The following COA1 variants were observed in gnomAD, a reference collection of about 807,000 sequenced individuals.
COA1 encodes cytochrome c oxidase assembly factor 1, also known as cytochrome c oxidase assembly factor 1 homolog.
COA1 carries 13 observed loss-of-function variants against 16.0 expected under a neutral mutation model. That is an observed-to-expected ratio of 0.81 (90% confidence interval 0.53 to 1.29). The LOEUF is 1.29. Among genes scored for constraint, COA1 ranks in the 50% most tolerant of loss-of-function variants. The pLI is 0.00. For synonymous variants in COA1, 65 were observed against 65.7 expected, an observed-to-expected ratio of 0.99 and a Z score of 0.05; for missense variants, 179 against 177.0, an observed-to-expected ratio of 1.01 and a Z score of -0.06.
intron 6 of COA1, among the ~76,000 whole-genome samples, chr7:43,614,636 C>T (rs2083182340): frequency 6.6e-6 from 1 of 152,172 alleles, no homozygotes; most frequent in Non-Finnish European, 1.5e-5. Flanking sequence ...GTAAAGGCCA[C>T]ATAATAAATA....
In COA1 at chr7:43,640,630, C is replaced by A. The variant is rs891121739; in HGVS notation, c.284G>T (p.Gly95Val). The A allele has an allele frequency of 1.9e-6, 3 of 1,605,698 alleles. No individual in the cohort carries two copies. In the Admixed American group the frequency reaches 5.2e-5, roughly 28 times the overall value. ...GTAGAGAAGGCCCTCTGATTTGGAT[C>A]CAGAGACAGGAATCTTCAACTGTGG... ...VDAKLKIPVS[G>V]SKSEGLLYVH... The change falls in exon 5 of 6, where the codon GGA (glycine) becomes GTA (valine). Residue 95 changes from glycine (G) to valine (V), a missense_variant. By Grantham distance (109) the Gly-to-Val change is moderately radical. Coordinates refer to ENST00000223336, the MANE Select transcript of COA1 (RefSeq NM_018224.4).
chr7:43,683,056 C>T (rs1478173160), intron 1 of COA1, among the ~76,000 whole-genome samples: 1 of 152,006 alleles, frequency 6.6e-6, no homozygotes, highest in Non-Finnish European at 1.5e-5. Context: ...TGGGGTTTCA[C>T]CATGTTGGCC....
chr7:43,690,762 G>A (rs1215120557), intron 1 of COA1, among the ~76,000 whole-genome samples: 1 of 152,078 alleles, frequency 6.6e-6, no homozygotes, highest in Non-Finnish European at 1.5e-5. Context: ...AATGAATAAA[G>A]GGGGAAAAAA....
At chr7:43,637,723 G>A (rs571091698), downstream of COA1, among the ~76,000 whole-genome samples, 68 of 152,316 alleles carry the variant, frequency 4.5e-4, 1 homozygote, top group South Asian at 0.014. Flanking sequence ...AAAAATACCC[G>A]AGATAGCGGC....
At chr7:43,647,029 G>C (rs2089514985) in intron 3 of COA1, 1 of 169,118 alleles carries the variant, frequency 5.9e-6, no homozygotes, top group African/African-American at 2.4e-5. Flanking sequence ...AGTGGGGCTG[G>C]AAGCGGCATC....
chr7:43,691,435 AAG>A lies in COA1; in HGVS notation c.-39+37992_-39+37993del, dbSNP rs766543264. Among the ~76,000 whole-genome samples the A allele has an allele frequency of 1.4e-3, 163 of 112,756 alleles. 1 individual carries two copies. The highest frequency in any genetic ancestry group is 5.4e-3 in the Middle Eastern group (1 of 186). 74.0% of individuals were successfully genotyped at this position (112,756 alleles called of 152,430 possible). ...AGGAAGAAAGAAAAAGAAAGAAAGA[AAG>A]AAAGAAAGAAAGAAAGAAAGAAAGA... On this transcript the variant is annotated intron_variant, in intron 1 of 5. Coordinates refer to ENST00000223336, the MANE Select transcript of COA1 (RefSeq NM_018224.4).
At chr7:43,684,967 G>A (rs1008527943) in intron 1 of COA1, among the ~76,000 whole-genome samples, 1 of 151,960 alleles carries the variant, frequency 6.6e-6, no homozygotes, top group African/African-American at 2.4e-5. Context: ...AGAAAAACAA[G>A]GCTAGTTTTT....
At chr7:43,680,948 G>A (rs1354875616) in intron 1 of COA1, among the ~76,000 whole-genome samples, 1 of 152,206 alleles carries the variant, frequency 6.6e-6, no homozygotes, top group Non-Finnish European at 1.5e-5. Context: ...TCCAGCCTGG[G>A]CAATATAGTG....
chr7:43,661,700 T>C (rs1391889812), intron 1 of COA1, among the ~76,000 whole-genome samples: 1 of 151,252 alleles, frequency 6.6e-6, no homozygotes, highest in Non-Finnish European at 1.5e-5. Flanking sequence ...CAATCCAGGG[T>C]TTCTATCTAA....
chr7:43,681,128 A>G (rs2093750943), intron 1 of COA1, among the ~76,000 whole-genome samples: 1 of 151,690 alleles, frequency 6.6e-6, no homozygotes, highest in Non-Finnish European at 1.5e-5. Context: ...CATTTCTGTC[A>G]TTTTTTTCTC....
At chr7:43,617,622 G>C (rs1028156572) in intron 6 of COA1, among the ~76,000 whole-genome samples, 12 of 152,096 alleles carry the variant, frequency 7.9e-5, no homozygotes, top group African/African-American at 2.9e-4. Context: ...GTCTGTTTTT[G>C]GTCATGTTGA....
intron 6 of COA1, among the ~76,000 whole-genome samples, chr7:43,617,454 C>A (rs2083455831): frequency 6.6e-6 from 1 of 152,234 alleles, no homozygotes; most frequent in South Asian, 2.1e-4. Context: ...TATTTAAAAT[C>A]AACTATGGTG....
At position 43,640,643 on chromosome 7, in the gene COA1, T is replaced by C; in HGVS notation, c.271A>G (p.Ile91Val). 1 of 1,600,820 alleles carries C rather than the reference T, an allele frequency of 6.2e-7. No homozygotes were observed. Among genetic ancestry groups the C allele is most frequent in the Non-Finnish European group, 8.5e-7 (1 of 1,173,872 alleles). ...TCTGATTTGGATCCAGAGACAGGAA[T>C]CTTCAACTGTGGGTGTAAAATGACA... ...FVDIVDAKLK[I>V]PVSGSKSEGL... Residue 91 changes from isoleucine to valine, a missense_variant, in exon 5 of 6, where the codon ATT (isoleucine) becomes GTT (valine). Ile to Val is a conservative substitution (Grantham distance 29). Coordinates refer to ENST00000223336, the MANE Select transcript of COA1 (RefSeq NM_018224.4).
intron 1 of COA1, among the ~76,000 whole-genome samples, chr7:43,654,050 A>G (rs979106055): frequency 5.3e-5 from 8 of 152,128 alleles, no homozygotes; most frequent in African/African-American, 1.9e-4. Context: ...ACTAACCACA[A>G]TGTAAGTGAA....
chr7:43,663,496 TTAC>T (rs1481627182), intron 1 of COA1, among the ~76,000 whole-genome samples: 2 of 151,416 alleles, frequency 1.3e-5, no homozygotes, highest in Non-Finnish European at 2.9e-5. Context: ...CAACACAGAT[TTAC>T]TACATCAAAA....
At chr7:43,686,000 G>C (rs1482209850) in intron 1 of COA1, among the ~76,000 whole-genome samples, 1 of 152,162 alleles carries the variant, frequency 6.6e-6, no homozygotes, top group Non-Finnish European at 1.5e-5. Flanking sequence ...AAAATGCACA[G>C]AAACAGGCTA....
At chr7:43,721,635 A>AG (rs1308810018) in intron 1 of COA1, among the ~76,000 whole-genome samples, 1 of 152,184 alleles carries the variant, frequency 6.6e-6, no homozygotes, top group Non-Finnish European at 1.5e-5. Flanking sequence ...TATTTGGGTA[A>AG]GGGGAAGATT....
intron 2 of COA1, chr7:43,648,390 G>A: frequency 1.5e-6 from 1 of 662,850 alleles, no homozygotes. Context: ...GAGTGTTACA[G>A]CTTCCAACGC....
chr7:43,625,073 A>G (rs1190059048), intron 6 of COA1: 1 of 358,386 alleles, frequency 2.8e-6, no homozygotes, highest in Non-Finnish European at 5.0e-6. Context: ...TTAAGAAGGG[A>G]GATGTTGGCA....
Sources: gnomAD v4.1 joint callset for allele counts (sites outside exome capture counted in the v4.1 genomes callset) on GRCh38, gnomAD v4.1.1 for gene constraint, MANE v1.5 for transcripts, NCBI Gene and HGNC (gene_info 2026-07-23, HGNC 2026-07-21) for gene names.